Variants in CACNA1C observed in about 807,000 individuals in gnomAD.
The protein encoded by CACNA1C is calcium voltage-gated channel subunit alpha1 C.
A neutral mutation model predicts 229.0 loss-of-function variants in CACNA1C; 30 were observed. That is an observed-to-expected ratio of 0.13 (90% CI 0.10 to 0.18). CACNA1C has a LOEUF of 0.18. Among genes scored for constraint, CACNA1C ranks in the 10% least tolerant of loss-of-function variants. CACNA1C has a pLI of 1.00. For missense variants in CACNA1C, 1,658 were observed against 2,845.0 expected (o/e 0.58, Z 9.49); for synonymous variants, 1,114 against 1,132.5 (o/e 0.98, Z 0.33).
intron 39 of CACNA1C, among the ~76,000 whole-genome samples, chr12:2,675,517 CACTT>C (rs1349555282): frequency 1.3e-5 from 2 of 152,200 alleles, no homozygotes; most frequent in South Asian, 2.1e-4. Flanking sequence ...CGTGATGTGA[CACTT>C]ACGGTGAGTG....
In CACNA1C at chr12:2,597,749, G is replaced by A. The variant is rs1345121292; in HGVS notation, c.2853+460G>A. Among the ~76,000 whole-genome samples the A allele has an allele frequency of 3.3e-5, 5 of 152,204 alleles. No homozygotes were observed. The highest frequency in any genetic ancestry group is 5.9e-5 in the Non-Finnish European group (4 of 68,048). On this transcript the variant is annotated intron_variant, in intron 21 of 46. Coordinates refer to ENST00000399655, the MANE Select transcript of CACNA1C (RefSeq NM_000719.7). This position sits in a 1 kb window ranked among gnomAD's most constrained non-coding sequence, Gnocchi z 4.3. ...AGTCCGTGGCCTGGAAGGGACACGT[G>A]TTGGCTGTGCCAACATTAAGGCTGC...
At chr12:2,004,174 AG>A (rs760114823) in intron 1 of CACNA1C, 1 of 1,481,918 alleles carries the variant, frequency 6.7e-7, no homozygotes, top group African/African-American at 1.5e-5. Flanking sequence ...ACCCACTTCC[AG>A]GGCGTCAACG....
At chr12:2,074,967 T>C (rs918968889) in intron 1 of CACNA1C, among the ~76,000 whole-genome samples, 1 of 152,186 alleles carries the variant, frequency 6.6e-6, no homozygotes, top group African/African-American at 2.4e-5. Flanking sequence ...GATCAAGCCA[T>C]GTGTTTAAAT....
chr12:2,192,862 C>T (rs1312934457), intron 3 of CACNA1C, among the ~76,000 whole-genome samples: 2 of 152,168 alleles, frequency 1.3e-5, no homozygotes, highest in South Asian at 2.1e-4. Context: ...GTGCGCTGAG[C>T]CAGAGTTTCA....
intron 1 of CACNA1C, chr12:2,004,176 G>C: frequency 6.7e-7 from 1 of 1,500,608 alleles, no homozygotes; most frequent in Non-Finnish European, 9.0e-7. Flanking sequence ...CCACTTCCAG[G>C]GCGTCAACGT....
At chr12:2,416,479 G>A (rs1461045112) in intron 3 of CACNA1C, among the ~76,000 whole-genome samples, 1 of 152,184 alleles carries the variant, frequency 6.6e-6, no homozygotes, top group Non-Finnish European at 1.5e-5. Flanking sequence ...TAACCCAATA[G>A]GGTAGCTGCT....
chr12:2,573,759 T>C (rs1169017063), intron 13 of CACNA1C, among the ~76,000 whole-genome samples: 2 of 152,202 alleles, frequency 1.3e-5, no homozygotes, highest in African/African-American at 2.4e-5. Flanking sequence ...TTGTGAATAG[T>C]TTCTTTAAAA....
rs77897049 is a variant in CACNA1C at position 2,347,524 on chromosome 12, A to G, written c.478-101452A>G. Among the ~76,000 whole-genome samples the G allele has an allele frequency of 5.2e-4, 79 of 152,360 alleles. No individual in the cohort carries two copies. The East Asian group carries it at 0.012, about 22-fold the overall frequency. On this transcript the variant is annotated intron_variant, in intron 3 of 46. Coordinates refer to ENST00000399655, the MANE Select transcript of CACNA1C (RefSeq NM_000719.7). ...CGGGCTGAGGATCACAGAAGTTGGC[A>G]GGCTCTAGGCCTGATGCTCATAGGG...
chr12:2,037,864 C>A (rs2049411242), intron 1 of CACNA1C, among the ~76,000 whole-genome samples: 1 of 152,102 alleles, frequency 6.6e-6, no homozygotes, highest in African/African-American at 2.4e-5. Context: ...AAAATAACCC[C>A]AGGGGATTCT....
At chr12:2,118,159 T>A (rs1485611030) in intron 2 of CACNA1C, among the ~76,000 whole-genome samples, 1 of 152,010 alleles carries the variant, frequency 6.6e-6, no homozygotes, top group Non-Finnish European at 1.5e-5. Flanking sequence ...AGGTGGAGAG[T>A]CTGAATGAGG....
chr12:2,683,981 C>T (rs1396186869), intron 43 of CACNA1C, among the ~76,000 whole-genome samples: 1 of 152,210 alleles, frequency 6.6e-6, no homozygotes, highest in East Asian at 1.9e-4. Flanking sequence ...CCATTCAGTT[C>T]CTGAAAGGAC....
At chr12:2,416,356 T>G (rs1595705953) in intron 3 of CACNA1C, among the ~76,000 whole-genome samples, 2 of 145,280 alleles carry the variant, frequency 1.4e-5, no homozygotes, top group African/African-American at 2.6e-5. Flanking sequence ...ATGGAAGGAG[T>G]GGTGGAAGAA....
chr12:2,239,281 C>T (rs1205436762), intron 3 of CACNA1C, among the ~76,000 whole-genome samples: 4 of 152,104 alleles, frequency 2.6e-5, no homozygotes, highest in African/African-American at 4.8e-5. Context: ...CACTGGTCAT[C>T]GGGTACCGTG....
At position 2,059,131 on chromosome 12, in the gene CACNA1C, C is replaced by T. The variant is rs114908016; in HGVS notation, c.49+5520C>T. On this transcript the variant is annotated intron_variant, in intron 1 of 46. Transcript: ENST00000399655. ...TTGCTTCAGTGCTAGCTGTGTGTACCGTGTGGGCAGGACCCCAGCTGGGAG... is the reference window on the plus strand; with the variant it reads ...TTGCTTCAGTGCTAGCTGTGTGTACTGTGTGGGCAGGACCCCAGCTGGGAG... Among the ~76,000 whole-genome samples the T allele has an allele frequency of 4.6e-3, 698 of 152,246 alleles. 7 individuals are homozygous for T. The highest frequency in any genetic ancestry group is 0.016 in the African/African-American group (658 of 41,540).
chr12:2,438,186 GGA>G (rs2099164523), intron 3 of CACNA1C, among the ~76,000 whole-genome samples: 1 of 145,256 alleles, frequency 6.9e-6, no homozygotes, highest in East Asian at 2.1e-4. Flanking sequence ...GGGGATGGTG[GGA>G]TAATGACGGC....
chr12:2,218,103 T>C (rs1488962834), intron 3 of CACNA1C, among the ~76,000 whole-genome samples: 1 of 152,236 alleles, frequency 6.6e-6, no homozygotes, highest in African/African-American at 2.4e-5. Flanking sequence ...TCTCGGTCTC[T>C]GTTACTACAT....
chr12:2,468,909 G>A lies in CACNA1C; in HGVS notation c.757+11203G>A, dbSNP rs770184303. Among the ~76,000 whole-genome samples the A allele has an allele frequency of 5.8e-4, 88 of 152,324 alleles. 1 individual carries two copies. The highest frequency in any genetic ancestry group is 6.9e-4 in the Non-Finnish European group (47 of 68,022). The stretch of plus-strand genomic sequence containing the variant: ...GAGTATTAGCCTTTAGATGCCTGCC[G>A]TGCTCACCTTTCACCATGGCAGTTG... On this transcript the variant is annotated intron_variant, in intron 5 of 46. Coordinates refer to ENST00000399655, the MANE Select transcript of CACNA1C (RefSeq NM_000719.7).
rs1408914166 is a variant in CACNA1C, at chr12:2,513,003, C to T, written c.1390+19C>T. 1.3e-6 allele frequency: 2 copies of T among 1,578,070 alleles called. No individual in the cohort carries two copies. The highest frequency in any genetic ancestry group is 1.3e-5 in the African/African-American group (1 of 74,256). The stretch of plus-strand genomic sequence containing the variant: ...CGAAACAGTGAGCAGCCGTCTTCTT[C>T]TGTGTTTGGGCTGGGTTCTGGGGGA... On this transcript the variant is annotated intron_variant, in intron 9 of 46. Coordinates refer to ENST00000399655, the MANE Select transcript of CACNA1C (RefSeq NM_000719.7).
intron 1 of CACNA1C, among the ~76,000 whole-genome samples, chr12:2,021,335 G>C (rs1372179351): frequency 2.0e-5 from 3 of 152,122 alleles, no homozygotes; most frequent in African/African-American, 7.2e-5. Context: ...GAGCACTATA[G>C]TCAATTTGGT....
Sources: allele counts gnomAD v4.1 joint callset (sites outside exome capture counted in the v4.1 genomes callset), GRCh38; gene constraint gnomAD v4.1.1; non-coding constraint Gnocchi (gnomAD v3.1); transcripts MANE v1.5; gene names NCBI Gene and HGNC (gene_info 2026-07-23, HGNC 2026-07-21).